The following SPATA31D1 variants were observed in gnomAD, a reference collection of about 807,000 sequenced individuals.
The protein encoded by SPATA31D1 is SPATA31 subfamily D member 1, also known as spermatogenesis-associated protein 31D1.
Under a neutral mutation model 13.2 loss-of-function variants are expected in SPATA31D1, and 6 were observed. That is an observed-to-expected ratio of 0.46 (90% CI 0.25 to 0.90). SPATA31D1 has a LOEUF of 0.90. SPATA31D1 is among the 40% of genes least tolerant of loss of function. The pLI, the probability that SPATA31D1 is intolerant of heterozygous loss-of-function variation, is 0.18. For missense variants in SPATA31D1, 2,445 were observed against 1,884.7 expected, an observed-to-expected ratio of 1.30 and a Z score of -5.50; for synonymous variants, 903 against 718.8, an observed-to-expected ratio of 1.26 and a Z score of -4.10.
rs1825068123 is a variant in SPATA31D1, at chr9:81,994,962, C to T, written c.4492C>T (p.Gln1498Ter). The part of the protein sequence containing the change: ...RIRQIIDKDR[Q>*]PQKVEAFKGK... ...TAGACAGATCATAGACAAGGACAGA[C>T]AGCCCCAGAAAGTTGAGGCATTTAA... Residue 1498 changes from glutamine to a stop codon, truncating the protein, a stop_gained, in exon 4 of 4, where the codon CAG becomes TAG. Coordinates refer to ENST00000344803, the MANE Select transcript of SPATA31D1 (RefSeq NM_001001670.3). LOFTEE classifies it low-confidence loss of function (END_TRUNC). 2 of 1,613,850 alleles carry T rather than the reference C, an allele frequency of 1.2e-6. No homozygotes were observed. The highest frequency in any genetic ancestry group is 2.7e-5 in the African/African-American group (2 of 74,938).
chr9:81,993,680 TACTG>T lies in SPATA31D1; in HGVS notation c.3213_3216del (p.Asp1072MetfsTer25), dbSNP rs1209789804. ...GGACCCTGAGAAGAGAATTCTCTGA[TACTG>T]ACAATGATCTTACAGAAAGTGTCCG... On this transcript the variant is annotated frameshift_variant, in exon 4 of 4. Transcript: ENST00000344803. LOFTEE classifies it low-confidence loss of function (END_TRUNC). 6.2e-7 allele frequency: 1 copy of T among 1,614,024 alleles called. No homozygotes were observed. The highest frequency in any genetic ancestry group is 8.5e-7 in the Non-Finnish European group (1 of 1,179,896).
Position 81,993,849 on chromosome 9 carries a change from T to C in SPATA31D1, c.3379T>C (p.Trp1127Arg), listed in dbSNP as rs531160926. The change falls in exon 4 of 4, where the codon TGG becomes CGG. Residue 1127 changes from tryptophan (W) to arginine (R), a missense_variant. By Grantham distance (101) the Trp-to-Arg change is moderately radical. Transcript: ENST00000344803. ...IMQAGAGCES[W>R]DKRKSSFHNV... is the part of the protein sequence containing the mutation. ...GCAAGCTGGAGCTGGCTGTGAGTCA[T>C]GGGATAAGAGAAAGAGTTCCTTTCA... 1.3e-5 allele frequency: 21 copies of C among 1,613,818 alleles called. No individual in the cohort carries two copies. In the South Asian group the frequency reaches 1.8e-4, roughly 13 times the overall value.
In SPATA31D1 at chr9:81,995,013, C is replaced by T; in HGVS notation, c.4543C>T (p.Pro1515Ser). 6.2e-7 allele frequency: 1 copy of T among 1,613,924 alleles called. No homozygotes were observed. Among genetic ancestry groups the T allele is most frequent in the East Asian group, 2.2e-5 (1 of 44,866 alleles). ...GGGGAAGATACTGTGTCAAAGCCAT[C>T]CCCAATCCATGCCCCACAGGAAGCC... ...FKGKILCQSH[P>S]QSMPHRKPVP... Residue 1515 changes from proline to serine, a missense_variant, in exon 4 of 4, where the codon CCC becomes TCC. Physicochemically the swap from Pro to Ser is moderately conservative, Grantham distance 74. Coordinates refer to ENST00000344803, the MANE Select transcript of SPATA31D1 (RefSeq NM_001001670.3).
At position 81,992,356 on chromosome 9, in the gene SPATA31D1, T is replaced by C; in HGVS notation, c.1886T>C (p.Leu629Ser). ...SEINHLEWNV[L>S]QKVQESLWGL... is the part of the protein sequence containing the mutation. ...ATTAACCATCTGGAGTGGAACGTGT[T>C]GCAGAAAGTGCAGGAAAGTTTGTGG... The change falls in exon 4 of 4, where the codon TTG (leucine) becomes TCG (serine). Residue 629 changes from leucine (L) to serine (S), a missense_variant. Transcript: ENST00000344803. 10 of 1,613,860 alleles carry C rather than the reference T, an allele frequency of 6.2e-6. No individual in the cohort carries two copies. Among genetic ancestry groups the C allele is most frequent in the Non-Finnish European group, 8.5e-6 (10 of 1,179,742 alleles).
chr9:81,994,407 A>G lies in SPATA31D1; in HGVS notation c.3937A>G (p.Thr1313Ala), dbSNP rs371701453. 3 of 1,613,802 alleles carry G rather than the reference A, an allele frequency of 1.9e-6. No individual in the cohort carries two copies. In the African/African-American group the frequency reaches 4.0e-5, roughly 22 times the overall value. ...TGATGGAGGGGATGCAGGGCTGGGG[A>G]CATCCCAACGCAGGAGAAAGAGCCT... is the stretch of plus-strand genomic sequence containing the variant. Reference protein sequence around the residue: ...ELDGGDAGLGTSQRRRKSLPV... With the variant: ...ELDGGDAGLGASQRRRKSLPV... The change falls in exon 4 of 4, where the codon ACA becomes GCA. Residue 1313 changes from threonine (T) to alanine (A), a missense_variant. Physicochemically the swap from Thr to Ala is moderately conservative, Grantham distance 58 (BLOSUM62 0). Coordinates refer to ENST00000344803, the MANE Select transcript of SPATA31D1 (RefSeq NM_001001670.3).
chr9:81,990,743 CTCCTT>C, intron 3 of SPATA31D1, 25 bp from the exon 4 acceptor site: 1 of 1,576,012 alleles, frequency 6.3e-7, no homozygotes, highest in Non-Finnish European at 8.6e-7. Context: ...GCTAACAAAT[CTCCTT>C]TCCTTGTTCT....
rs1251034207 is a variant in SPATA31D1 at position 81,994,787 on chromosome 9, G to C, written c.4317G>C (p.Gly1439=). 6.2e-7 allele frequency: 1 copy of C among 1,613,820 alleles called. No homozygotes were observed. The highest frequency in any genetic ancestry group is 1.3e-5 in the African/African-American group (1 of 74,908). The change falls in exon 4 of 4, where the codon GGG becomes GGC. Residue 1439 remains glycine (G), a synonymous_variant. Coordinates refer to ENST00000344803, the MANE Select transcript of SPATA31D1 (RefSeq NM_001001670.3). ...CCCTTTCCTTCCCAGTGGGGCTTGG[G>C]AAAGCTCAGCACAACCCAGAAGTGC... ...QEPLSFPVGL[G]KAQHNPEVHV...
chr9:81,991,272 C>G lies in SPATA31D1; in HGVS notation c.802C>G (p.Leu268Val). 1 of 1,614,056 alleles carries G rather than the reference C, an allele frequency of 6.2e-7. No homozygotes were observed. The highest frequency in any genetic ancestry group is 8.5e-7 in the Non-Finnish European group (1 of 1,179,896). ...SSLQPEASLS[L>V]NTIFSFGSTL... ...CCTCCAACCTGAAGCCAGTTTGTCT[C>G]TGAACACCATCTTTTCATTTGGCTC... The change falls in exon 4 of 4, where the codon CTG becomes GTG. Residue 268 changes from leucine to valine, a missense_variant. Physicochemically the swap from Leu to Val is conservative, Grantham distance 32 (BLOSUM62 1). Transcript: ENST00000344803.
In SPATA31D1 at chr9:81,988,884, G is replaced by T. The variant is rs752351635; in HGVS notation, c.66G>T (p.Trp22Cys). Residue 22 changes from tryptophan (W) to cysteine (C), a missense_variant, in exon 1 of 4, where the codon TGG (tryptophan) becomes TGT (cysteine). Coordinates refer to ENST00000344803, the MANE Select transcript of SPATA31D1 (RefSeq NM_001001670.3). ...CAGGGCTGAGCCCTGACTCACATTG[G>T]TTGGATATCGACCCCAACTTCATCT... ...TETGLSPDSH[W>C]LDIDPNFICL... 1.8e-5 allele frequency: 29 copies of T among 1,612,824 alleles called. No homozygotes were observed. Among genetic ancestry groups the T allele is most frequent in the Middle Eastern group, 1.8e-4 (1 of 5,420 alleles).
chr9:81,990,676 C>G, intron 3 of SPATA31D1, 97 bp from the exon 4 acceptor site: 1 of 1,471,098 alleles, frequency 6.8e-7, no homozygotes, highest in East Asian at 2.5e-5. Flanking sequence ...CGGTGAGGTC[C>G]TGGGTTGGGG....
chr9:81,993,262 C>G lies in SPATA31D1; in HGVS notation c.2792C>G (p.Ser931Trp), dbSNP rs776159891. 1.2e-6 allele frequency: 2 copies of G among 1,613,992 alleles called. No individual in the cohort carries two copies. The highest frequency in any genetic ancestry group is 1.7e-6 in the Non-Finnish European group (2 of 1,179,892). ...CTTGAATCCATAGAAATCTTCAAATCGAAAGCGGACCTTTCCACTTCCTTT... is the reference window on the plus strand; with the variant it reads ...CTTGAATCCATAGAAATCTTCAAATGGAAAGCGGACCTTTCCACTTCCTTT... ...KVLESIEIFK[S>W]KADLSTSFSH... is the part of the protein sequence containing the mutation. Residue 931 changes from serine (S) to tryptophan (W), a missense_variant, in exon 4 of 4, where the codon TCG becomes TGG. By Grantham distance (177) the Ser-to-Trp change is radical. Transcript: ENST00000344803.
chr9:81,992,211 C>G lies in SPATA31D1; in HGVS notation c.1741C>G (p.Leu581Val), dbSNP rs373924485. 2 of 1,613,692 alleles carry G rather than the reference C, an allele frequency of 1.2e-6. No homozygotes were observed. Among genetic ancestry groups the G allele is most frequent in the African/African-American group, 1.3e-5 (1 of 74,924 alleles). The change falls in exon 4 of 4, where the codon CTG (leucine) becomes GTG (valine). Residue 581 changes from leucine (L) to valine (V), a missense_variant. Physicochemically the swap from Leu to Val is conservative, Grantham distance 32. Coordinates refer to ENST00000344803, the MANE Select transcript of SPATA31D1 (RefSeq NM_001001670.3). ...QSPHLTQVKS[L>V]AQPQSPFRAL... ...CCCACATCTCACTCAGGTGAAGTCC[C>G]TGGCTCAACCTCAATCTCCATTCCG...
At chr9:81,987,608 C>G (rs1211157473), upstream of SPATA31D1, among the ~76,000 whole-genome samples, 1 of 152,074 alleles carries the variant, frequency 6.6e-6, no homozygotes, top group Non-Finnish European at 1.5e-5. Context: ...TCACTAACTT[C>G]AGAAAAGTAA....
At position 81,993,636 on chromosome 9, in the gene SPATA31D1, G is replaced by A. The variant is rs765666961; in HGVS notation, c.3166G>A (p.Val1056Ile). The change falls in exon 4 of 4, where the codon GTC (valine) becomes ATC (isoleucine). Residue 1056 changes from valine to isoleucine, a missense_variant. Val to Ile is a conservative substitution (Grantham distance 29). Coordinates refer to ENST00000344803, the MANE Select transcript of SPATA31D1 (RefSeq NM_001001670.3). Reference sequence around the variant, plus strand: ...TCATTCTTACCTTGTCACTTCACCTGTCAACCAAGAAAAGCAGGGGACCCT... The same window carrying A: ...TCATTCTTACCTTGTCACTTCACCTATCAACCAAGAAAAGCAGGGGACCCT... ...LGHSYLVTSP[V>I]NQEKQGTLRR... is the part of the protein sequence containing the mutation. 2 of 1,613,948 alleles carry A rather than the reference G, an allele frequency of 1.2e-6. No homozygotes were observed. The highest frequency in any genetic ancestry group is 1.7e-6 in the Non-Finnish European group (2 of 1,179,870).
At chr9:81,988,112 G>A (rs1824886283), upstream of SPATA31D1, among the ~76,000 whole-genome samples, 1 of 152,182 alleles carries the variant, frequency 6.6e-6, no homozygotes, top group Non-Finnish European at 1.5e-5. Context: ...AGCCAGCACA[G>A]GGGACAGGTT....
chr9:81,988,870 C>G lies in SPATA31D1; in HGVS notation c.52C>G (p.Pro18Ala). 6.2e-7 allele frequency: 1 copy of G among 1,612,894 alleles called. No individual in the cohort carries two copies. Among genetic ancestry groups the G allele is most frequent in the Admixed American group, 1.7e-5 (1 of 60,002 alleles). The change falls in exon 1 of 4, where the codon CCT becomes GCT. Residue 18 changes from proline to alanine, a missense_variant. Coordinates refer to ENST00000344803, the MANE Select transcript of SPATA31D1 (RefSeq NM_001001670.3). ...LNSYTETGLS[P>A]DSHWLDIDPN... Reference sequence around the variant, plus strand: ...CAGCTATACTGAGACAGGGCTGAGCCCTGACTCACATTGGTTGGATATCGA... The same window carrying G: ...CAGCTATACTGAGACAGGGCTGAGCGCTGACTCACATTGGTTGGATATCGA...
rs764067688 is a variant in SPATA31D1, at chr9:81,994,366, C to T, written c.3896C>T (p.Pro1299Leu). 1 of 1,613,850 alleles carries T rather than the reference C, an allele frequency of 6.2e-7. No individual in the cohort carries two copies. Among genetic ancestry groups the T allele is most frequent in the Non-Finnish European group, 8.5e-7 (1 of 1,179,848 alleles). ...PAVNRVSPVRPKGGELDGGDA... is the reference protein window; with the variant it reads ...PAVNRVSPVRLKGGELDGGDA... ...GTAAACAGAGTGAGTCCTGTGAGAC[C>T]CAAAGGAGGAGAGCTTGATGGAGGG... Residue 1299 changes from proline (P) to leucine (L), a missense_variant, in exon 4 of 4, where the codon CCC (proline) becomes CTC (leucine). Pro to Leu is a moderately conservative substitution (Grantham distance 98). Transcript: ENST00000344803.
rs376249496 is a variant in SPATA31D1 at position 81,992,833 on chromosome 9, G to T, written c.2363G>T (p.Gly788Val). The T allele has an allele frequency of 1.7e-5, 28 of 1,613,670 alleles. No homozygotes were observed. Among genetic ancestry groups the T allele is most frequent in the Non-Finnish European group, 2.3e-5 (27 of 1,179,740 alleles). Residue 788 changes from glycine (G) to valine (V), a missense_variant, in exon 4 of 4, where the codon GGT (glycine) becomes GTT (valine). Transcript: ENST00000344803. The stretch of plus-strand genomic sequence containing the variant: ...GTCCCAAAAGATCACCTGTTGCATG[G>T]TCCGGAGACTTCTTCAGACAAGGAT... ...ETVPKDHLLH[G>V]PETSSDKDLR...
Position 81,990,400 on chromosome 9 carries a change from T to A in SPATA31D1, c.233-17T>A, listed in dbSNP as rs758199403. The stretch of plus-strand genomic sequence containing the variant: ...GCCGTGTGCCTCTATCTTCATTGCA[T>A]ATAACATACTATTCAGGTTTCCCAG... On this transcript the variant is annotated splice_polypyrimidine_tract_variant and intron_variant, in intron 2 of 3. Transcript: ENST00000344803. 5 of 1,588,786 alleles carry A rather than the reference T, an allele frequency of 3.1e-6. No homozygotes were observed. Among genetic ancestry groups the A allele is most frequent in the Non-Finnish European group, 4.3e-6 (5 of 1,165,316 alleles).
Sources: allele counts gnomAD v4.1 joint callset (sites outside exome capture counted in the v4.1 genomes callset), GRCh38; gene constraint gnomAD v4.1.1; transcripts MANE v1.5; gene names NCBI Gene and HGNC (gene_info 2026-07-23, HGNC 2026-07-21).